Variants in LMX1B observed in about 807,000 individuals in gnomAD.
LMX1B encodes the protein LIM homeobox transcription factor 1 beta.
Under a neutral mutation model 51.4 loss-of-function variants are expected in LMX1B, and 12 were observed. The observed-to-expected ratio is 0.23, with a 90% CI of 0.15 to 0.38. The LOEUF (loss-of-function observed/expected upper bound fraction) is 0.38. Among genes scored for constraint, LMX1B ranks in the 10% least tolerant of loss-of-function variants. LMX1B has a pLI of 1.00. For synonymous variants in LMX1B, 237 were observed against 235.4 expected (o/e 1.01, Z -0.06); for missense variants, 445 against 571.1 (o/e 0.78, Z 2.25).
At chr9:126,651,606 T>C (rs1836010113) in intron 2 of LMX1B, among the ~76,000 whole-genome samples, 1 of 152,078 alleles carries the variant, frequency 6.6e-6, no homozygotes, top group Non-Finnish European at 1.5e-5. Context: ...ATGGGAACGC[T>C]GCCCTGTAAC....
chr9:126,693,343 C>G lies in LMX1B; in HGVS notation c.741+20C>G. The G allele has an allele frequency of 1.3e-6, 2 of 1,581,012 alleles. No individual in the cohort carries two copies. Among genetic ancestry groups the G allele is most frequent in the East Asian group, 2.3e-5 (1 of 42,740 alleles). On this transcript the variant is annotated intron_variant, in intron 4 of 7. Transcript: ENST00000373474. The stretch of plus-strand genomic sequence containing the variant: ...CGAAAGGTGAGGGGCGGCCGGGGGG[C>G]GGGGCTCAGGCTGATGCCCGCACAC...
intron 2 of LMX1B, among the ~76,000 whole-genome samples, chr9:126,659,980 G>C (rs1313490055): frequency 3.1e-5 from 4 of 128,512 alleles, no homozygotes; most frequent in East Asian, 2.2e-4. Flanking sequence ...GGCTTCAAAG[G>C]TTGTCCTGTG....
At chr9:126,630,189 G>A (rs1451952612) in intron 2 of LMX1B, among the ~76,000 whole-genome samples, 1 of 145,560 alleles carries the variant, frequency 6.9e-6, no homozygotes, top group East Asian at 2.0e-4. Context: ...AAGCACTATT[G>A]TTTGCCTGGG....
chr9:126,695,796 G>A lies in LMX1B; in HGVS notation c.887-43G>A. On this transcript the variant is annotated intron_variant, in intron 6 of 7. Transcript: ENST00000373474. The surrounding 1 kb of genome is among the most constrained non-coding windows in gnomAD (Gnocchi z 5.2). The stretch of plus-strand genomic sequence containing the variant: ...GAGGCTGCTGGGGTGTAGCTGGGAG[G>A]GCGTGGACCAGGCCAGGGGGTGAAG... 6.2e-7 allele frequency: 1 copy of A among 1,607,654 alleles called. No homozygotes were observed. The highest frequency in any genetic ancestry group is 8.5e-7 in the Non-Finnish European group (1 of 1,176,868).
intron 2 of LMX1B, among the ~76,000 whole-genome samples, chr9:126,630,335 C>T (rs1163894419): frequency 6.6e-6 from 1 of 151,958 alleles, no homozygotes; most frequent in Non-Finnish European, 1.5e-5. Context: ...TCTCAGCTCC[C>T]GGGAACCCAG....
intron 1 of LMX1B, 141 bp downstream of exon 1, chr9:126,614,729 A>G (rs1180051439): frequency 1.0e-6 from 1 of 955,954 alleles, no homozygotes; most frequent in Non-Finnish European, 1.4e-6. Flanking sequence ...GGACTCCTGG[A>G]GTGATCGCCA....
chr9:126,648,777 A>G (rs920755848), intron 2 of LMX1B, among the ~76,000 whole-genome samples: 4 of 152,144 alleles, frequency 2.6e-5, no homozygotes, highest in Non-Finnish European at 5.9e-5. Flanking sequence ...GCCTAGGACC[A>G]TAGAGGTTAC....
intron 2 of LMX1B, among the ~76,000 whole-genome samples, chr9:126,642,080 G>A (rs1835818985): frequency 6.6e-6 from 1 of 152,042 alleles, no homozygotes; most frequent in Non-Finnish European, 1.5e-5. Context: ...TGTGTCTCGT[G>A]GCACCTAATG....
At position 126,671,788 on chromosome 9, in the gene LMX1B, C is replaced by T. The variant is rs1836458244; in HGVS notation, c.327-19048C>T. 6.6e-6 allele frequency among the ~76,000 whole-genome samples: 1 copy of T among 152,124 alleles called. No homozygotes were observed. On this transcript the variant is annotated intron_variant, in intron 2 of 7. Transcript: ENST00000373474. The surrounding 1 kb of genome is among the most constrained non-coding windows in gnomAD (Gnocchi z 4.4). ...TCGGGGAGAGTGAGCGAGCCAGCTC[C>T]CTCCAGGCCAGGGCAGCGGCCCCCC...
chr9:126,630,498 C>G (rs1480383044), intron 2 of LMX1B, among the ~76,000 whole-genome samples: 1 of 152,184 alleles, frequency 6.6e-6, no homozygotes, highest in Admixed American at 6.5e-5. Context: ...TCATCCCTTC[C>G]AAACCCCATT....
At chr9:126,617,971 G>A (rs1398013411) in intron 2 of LMX1B, among the ~76,000 whole-genome samples, 3 of 152,090 alleles carry the variant, frequency 2.0e-5, no homozygotes, top group East Asian at 1.9e-4. Context: ...CGTTTCACAG[G>A]GAGATGGAGC....
rs757786829 is a variant in LMX1B at position 126,656,838 on chromosome 9, C to T, written c.327-33998C>T. On this transcript the variant is annotated intron_variant, in intron 2 of 7. Coordinates refer to ENST00000373474, the MANE Select transcript of LMX1B (RefSeq NM_001174147.2). ...GCCACTCACAGGATGCCACTGGCAC[C>T]GCATCCCCCAGTCCATGGCCATCAA... 3.2e-4 allele frequency among the ~76,000 whole-genome samples: 49 copies of T among 152,196 alleles called. 1 individual carries two copies. Among genetic ancestry groups the T allele is most frequent in the Admixed American group, 1.9e-3 (29 of 15,280 alleles).
chr9:126,639,844 G>A (rs1295453574), intron 2 of LMX1B, among the ~76,000 whole-genome samples: 2 of 152,184 alleles, frequency 1.3e-5, no homozygotes, highest in African/African-American at 4.8e-5. Context: ...TCTCATATGT[G>A]GGGCTGTGAT....
chr9:126,619,260 C>T (rs1271258088), intron 2 of LMX1B, among the ~76,000 whole-genome samples: 2 of 152,304 alleles, frequency 1.3e-5, no homozygotes, highest in East Asian at 1.9e-4. Flanking sequence ...CCGGGAAAGA[C>T]CTTCTTGGGA....
At chr9:126,681,201 T>A (rs1359942093) in intron 2 of LMX1B, among the ~76,000 whole-genome samples, 2 of 152,144 alleles carry the variant, frequency 1.3e-5, no homozygotes, top group Non-Finnish European at 2.9e-5. Flanking sequence ...TGTGTCTCCA[T>A]CCTGGCAGCA....
intron 2 of LMX1B, among the ~76,000 whole-genome samples, chr9:126,688,675 G>C (rs1017855359): frequency 2.0e-5 from 3 of 152,222 alleles, no homozygotes. Flanking sequence ...GGTAGGTTGT[G>C]CCCTGAACAA....
chr9:126,638,618 C>G (rs746389323), intron 2 of LMX1B, among the ~76,000 whole-genome samples: 1 of 152,192 alleles, frequency 6.6e-6, no homozygotes, highest in Non-Finnish European at 1.5e-5. Flanking sequence ...TATCTCTGTT[C>G]TCGGCTCTCG....
chr9:126,672,165 CCTGGCTGGCCCAGTA>C (rs1288176407), intron 2 of LMX1B, among the ~76,000 whole-genome samples: 1 of 152,244 alleles, frequency 6.6e-6, no homozygotes, highest in Admixed American at 6.5e-5. Context: ...TGGAGGCCAT[CCTGGCTGGCCCAGTA>C]CTGGCTGGTG....
intron 2 of LMX1B, among the ~76,000 whole-genome samples, chr9:126,624,423 T>A (rs1191922817): frequency 6.6e-6 from 1 of 151,806 alleles, no homozygotes; most frequent in Non-Finnish European, 1.5e-5. Flanking sequence ...GCCGACCCCC[T>A]CGGGCTGGCC....
Sources: allele counts gnomAD v4.1 joint callset (sites outside exome capture counted in the v4.1 genomes callset), GRCh38; gene constraint gnomAD v4.1.1; non-coding constraint Gnocchi (gnomAD v3.1); transcripts MANE v1.5; gene names NCBI Gene and HGNC (gene_info 2026-07-23, HGNC 2026-07-21).